SOBP: variants seen among roughly 807,000 people sequenced by gnomAD.
SOBP encodes the protein sine oculis-binding protein homolog.
SOBP carries 4 observed loss-of-function variants against 53.6 expected under a neutral mutation model. The observed-to-expected ratio is 0.07, with a 90% CI of 0.04 to 0.17. SOBP has a LOEUF of 0.17. Ranked by LOEUF, SOBP falls within the 10% of genes least tolerant of loss-of-function variation. The probability of loss-of-function intolerance (pLI) is 1.00; values close to 1 mark genes in which losing one functional copy is unlikely to be tolerated. For missense variants in SOBP, 1,088 were observed against 1,204.7 expected (o/e 0.90, Z 1.43); for synonymous variants, 584 against 522.6 (o/e 1.12, Z -1.60).
chr6:107,634,112 A>G lies in SOBP; in HGVS notation c.1268A>G (p.Asn423Ser), dbSNP rs534621562. 25 of 1,603,692 alleles carry G rather than the reference A, an allele frequency of 1.6e-5. No homozygotes were observed. The highest frequency in any genetic ancestry group is 4.0e-5 in the African/African-American group (3 of 74,428). The change falls in exon 6 of 7, where the codon AAC (asparagine) becomes AGC (serine). Residue 423 changes from asparagine to serine, a missense_variant. By Grantham distance (46) the Asn-to-Ser change is conservative. This residue lies in a region of SOBP where 211 missense variants were observed against 258.9 expected (regional missense o/e 0.82). Transcript: ENST00000317357. The surrounding 1 kb of genome is among the most constrained non-coding windows in gnomAD (Gnocchi z 4.5). ...RGPPHHASNP[N>S]SPLSNPMLPG... ...CCTCCGCACCATGCCTCCAACCCCAACAGCCCCCTGTCCAACCCCATGCTT... is the reference window on the plus strand; with the variant it reads ...CCTCCGCACCATGCCTCCAACCCCAGCAGCCCCCTGTCCAACCCCATGCTT...
intron 4 of SOBP, among the ~76,000 whole-genome samples, chr6:107,583,849 T>C (rs1354786989): frequency 3.9e-5 from 6 of 152,342 alleles, no homozygotes; most frequent in African/African-American, 9.6e-5. Flanking sequence ...GATTTTGGAA[T>C]ATTTGCGTTG....
chr6:107,525,999 G>C (rs759222356), intron 3 of SOBP, among the ~76,000 whole-genome samples: 14 of 151,870 alleles, frequency 9.2e-5, no homozygotes, highest in African/African-American at 3.1e-4. Context: ...CCGGGCTGGA[G>C]TGCAATGGCA....
Position 107,490,379 on chromosome 6 carries a change from C to T in SOBP, c.-238C>T. 1 of 244,722 alleles carries T rather than the reference C, an allele frequency of 4.1e-6. No homozygotes were observed. The highest frequency in any genetic ancestry group is 7.8e-6 in the Non-Finnish European group (1 of 128,852). 15.2% of individuals were successfully genotyped at this position (244,722 alleles called of 1,614,324 possible). On this transcript the variant is annotated 5_prime_UTR_variant, in exon 1 of 7. Transcript: ENST00000317357. ...GAGCCGGAGCGACGGCGGCGGCATC[C>T]CCGAGACTCTCCGCACTATCCTTAC...
chr6:107,553,540 G>A (rs762501039), intron 4 of SOBP, among the ~76,000 whole-genome samples: 7 of 150,818 alleles, frequency 4.6e-5, no homozygotes, highest in African/African-American at 2.4e-5. Flanking sequence ...CGCCCAGGCT[G>A]GAGTGCAGTG....
chr6:107,651,630 T>C (rs887544750), intron 6 of SOBP, among the ~76,000 whole-genome samples: 7 of 152,236 alleles, frequency 4.6e-5, no homozygotes. Flanking sequence ...GTGACTACAC[T>C]AGACAATAGA....
chr6:107,603,377 C>T (rs1006611320), intron 5 of SOBP, among the ~76,000 whole-genome samples: 1 of 152,230 alleles, frequency 6.6e-6, no homozygotes, highest in African/African-American at 2.4e-5. Flanking sequence ...ACAAATGTCT[C>T]TGCCCAAGGG....
intron 6 of SOBP, among the ~76,000 whole-genome samples, chr6:107,652,258 A>G (rs1021782075): frequency 6.6e-5 from 10 of 152,228 alleles, no homozygotes; most frequent in South Asian, 4.1e-4. Context: ...TTTGTGATTC[A>G]TAGGAGGAGG....
Position 107,490,696 on chromosome 6 carries a change from T to A in SOBP, c.80T>A (p.Ile27Asn), listed in dbSNP as rs1410951673. 3 of 1,604,424 alleles carry A rather than the reference T, an allele frequency of 1.9e-6. No homozygotes were observed. Among genetic ancestry groups the A allele is most frequent in the Non-Finnish European group, 2.6e-6 (3 of 1,175,216 alleles). The change falls in exon 1 of 7, where the codon ATC becomes AAC. Residue 27 changes from isoleucine to asparagine, a missense_variant. By Grantham distance (149) the Ile-to-Asn change is moderately radical. Coordinates refer to ENST00000317357, the MANE Select transcript of SOBP (RefSeq NM_018013.4). Reference protein sequence around the residue: ...RKPAHPVKREINEEMKNFAEN... With the variant: ...RKPAHPVKRENNEEMKNFAEN... ...CCGGCTCACCCAGTGAAAAGGGAGA[T>A]CAATGAGGAGATGAAGGTATTTTTT...
At chr6:107,535,032 C>G (rs1562596108) in intron 4 of SOBP, among the ~76,000 whole-genome samples, 1 of 152,144 alleles carries the variant, frequency 6.6e-6, no homozygotes, top group African/African-American at 2.4e-5. Context: ...ACTTTGCATT[C>G]CAATCCAGAA....
At position 107,490,692 on chromosome 6, in the gene SOBP, G is replaced by C. The variant is rs1430207782; in HGVS notation, c.76G>C (p.Glu26Gln). 1 of 1,606,144 alleles carries C rather than the reference G, an allele frequency of 6.2e-7. No individual in the cohort carries two copies. The highest frequency in any genetic ancestry group is 1.7e-5 in the Admixed American group (1 of 59,096). The change falls in exon 1 of 7, where the codon GAG (glutamate) becomes CAG (glutamine). Residue 26 changes from glutamate to glutamine, a missense_variant. Glu to Gln is a conservative substitution (Grantham distance 29, BLOSUM62 2). Around this residue, in one of 6 missense-constraint regions of SOBP, gnomAD observed 37 missense variants for 37.8 expected, o/e 0.98. Transcript: ENST00000317357. ...GAAGCCGGCTCACCCAGTGAAAAGG[G>C]AGATCAATGAGGAGATGAAGGTATT... ...SRKPAHPVKREINEEMKNFAE... is the reference protein window; with the variant it reads ...SRKPAHPVKRQINEEMKNFAE...
intron 4 of SOBP, among the ~76,000 whole-genome samples, chr6:107,566,208 T>C (rs949364336): frequency 2.6e-4 from 39 of 152,382 alleles, no homozygotes; most frequent in African/African-American, 9.1e-4. Context: ...AACTTAGTTC[T>C]GTTTAAACCA....
intron 6 of SOBP, among the ~76,000 whole-genome samples, chr6:107,639,051 T>C (rs1365787869): frequency 6.6e-6 from 1 of 152,092 alleles, no homozygotes; most frequent in Non-Finnish European, 1.5e-5. Flanking sequence ...TACAGGCACA[T>C]GCCACCATGC....
intron 6 of SOBP, among the ~76,000 whole-genome samples, chr6:107,649,486 A>T (rs1397545915): frequency 6.6e-6 from 1 of 152,124 alleles, no homozygotes; most frequent in African/African-American, 2.4e-5. Flanking sequence ...CAAAAAAAAA[A>T]AGAAAACTCC....
chr6:107,587,444 G>A (rs1479921897), intron 5 of SOBP, among the ~76,000 whole-genome samples: 2 of 152,140 alleles, frequency 1.3e-5, no homozygotes, highest in Non-Finnish European at 2.9e-5. Context: ...TTGGAGAATG[G>A]CTAGTAAAGT....
chr6:107,628,894 C>T (rs1770579950), intron 5 of SOBP, among the ~76,000 whole-genome samples: 1 of 152,188 alleles, frequency 6.6e-6, no homozygotes, highest in Admixed American at 6.5e-5. Flanking sequence ...GCCCTCAGCT[C>T]ATGCTGTGAG....
rs776514975 is a variant in SOBP at position 107,634,657 on chromosome 6, G to T, written c.1813G>T (p.Ala605Ser). The change falls in exon 6 of 7, where the codon GCC becomes TCC. Residue 605 changes from alanine (A) to serine (S), a missense_variant. By Grantham distance (99) the Ala-to-Ser change is moderately conservative. Around this residue, in one of 6 missense-constraint regions of SOBP, gnomAD observed 665 missense variants for 629.7 expected, o/e 1.06. Transcript: ENST00000317357. This position sits in a 1 kb window ranked among gnomAD's most constrained non-coding sequence, Gnocchi z 4.5. ...CTCGCCCCCCGGCTGCTCGGGCCAG[G>T]CCCTGAGCCTGGCGCCCACGCCCGC... ...ADSPPGCSGQ[A>S]LSLAPTPAEH... is the part of the protein sequence containing the mutation. The T allele has an allele frequency of 2.6e-6, 4 of 1,558,744 alleles. No homozygotes were observed. In the South Asian group the frequency reaches 3.4e-5, roughly 13 times the overall value.
chr6:107,572,151 G>A (rs372360504), intron 4 of SOBP, among the ~76,000 whole-genome samples: 4 of 152,112 alleles, frequency 2.6e-5, no homozygotes, highest in African/African-American at 7.2e-5. Context: ...AGAAAGATAA[G>A]GGTGGACACA....
At chr6:107,549,840 C>T (rs938905752) in intron 4 of SOBP, among the ~76,000 whole-genome samples, 1 of 152,110 alleles carries the variant, frequency 6.6e-6, no homozygotes, top group African/African-American at 2.4e-5. Context: ...CTGGAGAAAA[C>T]CTATGTCAAA....
intron 4 of SOBP, among the ~76,000 whole-genome samples, chr6:107,551,245 G>A (rs1784450930): frequency 6.6e-6 from 1 of 152,270 alleles, no homozygotes; most frequent in Non-Finnish European, 1.5e-5. Context: ...AACAAGAGGA[G>A]GCTGTAATTG....
Sources: allele counts gnomAD v4.1 joint callset (sites outside exome capture counted in the v4.1 genomes callset), GRCh38; gene constraint gnomAD v4.1.1; regional missense constraint gnomAD v4.1.1; non-coding constraint Gnocchi (gnomAD v3.1); transcripts MANE v1.5; gene names NCBI Gene and HGNC (gene_info 2026-07-23, HGNC 2026-07-21).